The following CTCFL variants were observed in gnomAD, a reference collection of about 807,000 sequenced individuals.
CTCFL encodes the protein transcriptional repressor CTCFL.
CTCFL carries 36 observed loss-of-function variants against 67.4 expected under a neutral mutation model. The ratio of observed to expected loss-of-function variants is 0.53; its 90% CI spans 0.41 to 0.71. The LOEUF (loss-of-function observed/expected upper bound fraction) is 0.71, where lower values mean the gene tolerates loss of function less well. Among genes scored for constraint, CTCFL ranks in the 30% least tolerant of loss-of-function variants. The pLI is 0.00. For synonymous variants in CTCFL, 324 were observed against 302.3 expected (o/e 1.07, Z -0.75); for missense variants, 786 against 835.2 (o/e 0.94, Z 0.73).
chr20:57,498,469 G>A lies in CTCFL; in HGVS notation c.*81C>T, dbSNP rs1462992220. On this transcript the variant is annotated 3_prime_UTR_variant, in exon 11 of 11. Transcript: ENST00000243914. Reference sequence around the variant, plus strand: ...TCTCTCACTTATCCATCGTGTTGAGGAGCATTTCACACCTTAAATGCTAAA... The same window carrying A: ...TCTCTCACTTATCCATCGTGTTGAGAAGCATTTCACACCTTAAATGCTAAA... The A allele has an allele frequency of 2.6e-6, 4 of 1,534,594 alleles. No individual in the cohort carries two copies. Among genetic ancestry groups the A allele is most frequent in the African/African-American group, 1.4e-5 (1 of 73,090 alleles).
At chr20:57,503,879 C>A (rs139709165) in intron 9 of CTCFL, among the ~76,000 whole-genome samples, 6 of 148,754 alleles carry the variant, frequency 4.0e-5, no homozygotes, top group Non-Finnish European at 8.9e-5. Flanking sequence ...CCCCGGAGGT[C>A]GAGGCTGCAG....
Position 57,523,948 on chromosome 20 carries a change from G to GC in CTCFL, c.257_258insG (p.His86GlnfsTer5). ...GCAACTCCACAGCTTCAGAAGTGAA[G>GC]TGCACCGTCTGCAGGGTCAGGATGT... is the stretch of plus-strand genomic sequence containing the variant. On this transcript the variant is annotated frameshift_variant, in exon 2 of 11. Coordinates refer to ENST00000243914, the MANE Select transcript of CTCFL (RefSeq NM_001386993.1). LOFTEE classifies it high-confidence loss of function. 1 of 1,613,102 alleles carries GC rather than the reference G, an allele frequency of 6.2e-7. No individual in the cohort carries two copies. Among genetic ancestry groups the GC allele is most frequent in the Non-Finnish European group, 8.5e-7 (1 of 1,180,022 alleles).
At chr20:57,509,317 G>A (rs1479509516) in intron 8 of CTCFL, among the ~76,000 whole-genome samples, 2 of 136,190 alleles carry the variant, frequency 1.5e-5, no homozygotes, top group African/African-American at 5.5e-5. Context: ...ACAGGGTCTC[G>A]CTCTGTCACA....
Position 57,503,370 on chromosome 20 carries a change from C to A in CTCFL, c.1840+66G>T, listed in dbSNP as rs1009392463. ...ACATCCCCTGGACAGTAACACTCGG[C>A]ACCCAGGATAGTCACAACCAGAAAA... On this transcript the variant is annotated intron_variant, in intron 10 of 10. Coordinates refer to ENST00000243914, the MANE Select transcript of CTCFL (RefSeq NM_001386993.1). 3.2e-6 allele frequency: 5 copies of A among 1,577,522 alleles called. No individual in the cohort carries two copies. The Admixed American group carries it at 6.7e-5, about 21-fold the overall frequency.
At position 57,521,683 on chromosome 20, in the gene CTCFL, G is replaced by A. The variant is rs550973384; in HGVS notation, c.754+1385C>T. On this transcript the variant is annotated intron_variant, in intron 3 of 10. Coordinates refer to ENST00000243914, the MANE Select transcript of CTCFL (RefSeq NM_001386993.1). Reference sequence around the variant, plus strand: ...GGACACAATTGCAGTGTGCATCAGTGAATGAAGGGATAAATAAAATGTGCT... The same window carrying A: ...GGACACAATTGCAGTGTGCATCAGTAAATGAAGGGATAAATAAAATGTGCT... Among the ~76,000 whole-genome samples, 6 of 152,322 alleles carry A rather than the reference G, an allele frequency of 3.9e-5. No homozygotes were observed. The South Asian group carries it at 1.2e-3, about 32-fold the overall frequency.
chr20:57,518,534 A>G, intron 5 of CTCFL: 1 of 1,412,404 alleles, frequency 7.1e-7, no homozygotes, highest in East Asian at 2.5e-5. Flanking sequence ...TAATTTGTAA[A>G]CCTTTACATA....
chr20:57,496,394 T>C (rs934571919), downstream of CTCFL: 1 of 560,984 alleles, frequency 1.8e-6, no homozygotes, highest in African/African-American at 1.9e-5. Flanking sequence ...CTTTTCTTTA[T>C]AAATTACCCA....
rs146337397 is a variant in CTCFL, at chr20:57,501,856, G to C, written c.1840+1580C>G. ...CTGGAAATCAGTGGAAAAGTTATTG[G>C]TGCTGAGGTTCAGAATGAGGGCTCT... is the stretch of plus-strand genomic sequence containing the variant. On this transcript the variant is annotated intron_variant, in intron 10 of 10. Transcript: ENST00000243914. Among the ~76,000 whole-genome samples, 185 of 152,318 alleles carry C rather than the reference G, an allele frequency of 1.2e-3. 1 individual carries two copies. The highest frequency in any genetic ancestry group is 4.4e-3 in the African/African-American group (182 of 41,576).
rs575572868 is a variant in CTCFL at position 57,515,010 on chromosome 20, G to C, written c.1181-269C>G. Reference sequence around the variant, plus strand: ...GTGGTTCACATCCATGGGGCTGTACGAATAACCAAGAAGTACACATAAATG... The same window carrying C: ...GTGGTTCACATCCATGGGGCTGTACCAATAACCAAGAAGTACACATAAATG... On this transcript the variant is annotated intron_variant, in intron 6 of 10. Coordinates refer to ENST00000243914, the MANE Select transcript of CTCFL (RefSeq NM_001386993.1). The C allele has an allele frequency of 1.4e-4, 62 of 446,480 alleles. No individual in the cohort carries two copies. The Admixed American group carries it at 2.0e-3, about 14-fold the overall frequency. The allele number at this position is 446,480 out of a possible 1,614,324, so 27.7% of individuals were successfully genotyped here.
chr20:57,510,040 C>T (rs2068451724), intron 8 of CTCFL, among the ~76,000 whole-genome samples: 2 of 152,226 alleles, frequency 1.3e-5, no homozygotes, highest in Non-Finnish European at 1.5e-5. Context: ...GAGCCTGAGG[C>T]CTCAGAATAT....
intron 9 of CTCFL, among the ~76,000 whole-genome samples, chr20:57,505,331 C>T (rs2068143869): frequency 1.3e-5 from 2 of 151,788 alleles, no homozygotes; most frequent in South Asian, 2.1e-4. Context: ...TCTCTGCTCA[C>T]TGCAAGCTCC....
At chr20:57,518,014 C>T (rs557475817) in intron 5 of CTCFL, among the ~76,000 whole-genome samples, 15 of 152,216 alleles carry the variant, frequency 9.9e-5, no homozygotes, top group African/African-American at 3.6e-4. Flanking sequence ...ATGAAATTTC[C>T]CAATTTGTGA....
At chr20:57,515,588 C>G in intron 6 of CTCFL, 126 bp downstream of exon 6, 1 of 1,177,062 alleles carries the variant, frequency 8.5e-7, no homozygotes, top group Non-Finnish European at 1.3e-6. Context: ...ATTCTTTTAT[C>G]ATGAAGGCAC....
intron 9 of CTCFL, chr20:57,507,220 C>G: frequency 4.3e-6 from 1 of 233,360 alleles, no homozygotes; most frequent in Non-Finnish European, 7.7e-6. Flanking sequence ...GAGACAGAGT[C>G]TTGCTCTGTC....
Position 57,523,560 on chromosome 20 carries a change from A to C in CTCFL, c.543+103T>G, listed in dbSNP as rs2069562438. ...CTGGGAAGTATTTGTACTGTCTTTA[A>C]TTTGCAACTGCAAAATACCTTGTCC... On this transcript the variant is annotated intron_variant, in intron 2 of 10. Coordinates refer to ENST00000243914, the MANE Select transcript of CTCFL (RefSeq NM_001386993.1). 3.4e-6 allele frequency: 5 copies of C among 1,465,806 alleles called. No individual in the cohort carries two copies. The South Asian group carries it at 6.9e-5, about 20-fold the overall frequency. 90.8% of individuals were successfully genotyped at this position (1,465,806 alleles called of 1,614,324 possible).
intron 7 of CTCFL, among the ~76,000 whole-genome samples, 171 bp from the exon 8 acceptor site, chr20:57,512,923 C>G (rs959944954): frequency 6.6e-6 from 1 of 152,152 alleles, no homozygotes; most frequent in African/African-American, 2.4e-5. Flanking sequence ...AGCAGCATTC[C>G]TGGTGTCTGT....
In CTCFL at chr20:57,499,711, G is replaced by T. The variant is rs908302778; in HGVS notation, c.1841-1010C>A. 4 of 183,174 alleles carry T rather than the reference G, an allele frequency of 2.2e-5. No individual in the cohort carries two copies. In the East Asian group the frequency reaches 6.5e-4, roughly 30 times the overall value. 11.3% of individuals were successfully genotyped at this position (183,174 alleles called of 1,614,324 possible). ...CTGGGGGTGATGGGAGACAGTGACAGATCGTCGGGCATTAGATTCTCGTAA... is the reference window on the plus strand; with the variant it reads ...CTGGGGGTGATGGGAGACAGTGACATATCGTCGGGCATTAGATTCTCGTAA... On this transcript the variant is annotated intron_variant, in intron 10 of 10. Transcript: ENST00000243914.
Position 57,523,745 on chromosome 20 carries a change from T to A in CTCFL, c.461A>T (p.His154Leu), listed in dbSNP as rs201126780. Reference protein sequence around the residue: ...SPQEMEVLQFHALEENVMVAS... With the variant: ...SPQEMEVLQFLALEENVMVAS... The stretch of plus-strand genomic sequence containing the variant: ...CACCATCACATTCTCCTCTAGAGCG[T>A]GGAACTGCAACACCTCCATCTCTTG... Residue 154 changes from histidine (H) to leucine (L), a missense_variant, in exon 2 of 11, where the codon CAC becomes CTC. Around this residue, in one of 3 missense-constraint regions of CTCFL, gnomAD observed 333 missense variants for 304.6 expected, o/e 1.09. Coordinates refer to ENST00000243914, the MANE Select transcript of CTCFL (RefSeq NM_001386993.1). 6.2e-7 allele frequency: 1 copy of A among 1,613,388 alleles called. No homozygotes were observed. The highest frequency in any genetic ancestry group is 8.5e-7 in the Non-Finnish European group (1 of 1,180,042).
chr20:57,508,080 C>T (rs1008965523), intron 9 of CTCFL, among the ~76,000 whole-genome samples: 1 of 152,026 alleles, frequency 6.6e-6, no homozygotes, highest in Non-Finnish European at 1.5e-5. Context: ...GCAGCTAGGC[C>T]TACAGGGGTG....
Sources: gnomAD v4.1 joint callset for allele counts (sites outside exome capture counted in the v4.1 genomes callset) on GRCh38, gnomAD v4.1.1 for gene constraint, gnomAD v4.1.1 regional missense constraint, MANE v1.5 for transcripts, NCBI Gene and HGNC (gene_info 2026-07-23, HGNC 2026-07-21) for gene names.